Variants in GALNT18 observed in about 807,000 individuals in gnomAD.
GALNT18 encodes polypeptide N-acetylgalactosaminyltransferase 18, also known as GalNAc-transferase 18.
Under a neutral mutation model 69.5 loss-of-function variants are expected in GALNT18, and 44 were observed. The observed-to-expected ratio is 0.63, with a 90% CI of 0.50 to 0.81. GALNT18 has a LOEUF of 0.81. GALNT18 is among the 40% of genes least tolerant of loss of function. GALNT18 has a pLI of 0.00. For synonymous variants in GALNT18, 364 were observed against 318.2 expected (o/e 1.14, Z -1.53); for missense variants, 715 against 810.0 (o/e 0.88, Z 1.42).
At chr11:11,560,505 G>A (rs747400857) in intron 1 of GALNT18, among the ~76,000 whole-genome samples, 15 of 152,208 alleles carry the variant, frequency 9.9e-5, no homozygotes, top group Non-Finnish European at 1.8e-4. Context: ...GATCTCCTTG[G>A]TGACATCAGA....
intron 3 of GALNT18, among the ~76,000 whole-genome samples, chr11:11,381,101 C>T (rs1853905963): frequency 6.6e-6 from 1 of 152,196 alleles, no homozygotes; most frequent in Non-Finnish European, 1.5e-5. Flanking sequence ...AGGTCACTGT[C>T]CCACAAATGT....
intron 1 of GALNT18, among the ~76,000 whole-genome samples, chr11:11,517,571 T>C (rs1857308815): frequency 6.6e-6 from 1 of 152,200 alleles, no homozygotes; most frequent in Admixed American, 6.5e-5. Context: ...ACCCTCACAT[T>C]TAGCCCTGGC....
rs1850183543 is a variant in GALNT18 at position 11,340,464 on chromosome 11, A to T, written c.1278+355T>A. ...TTTGTAAATTTTTGTAGTTACTGGT[A>T]TATTTGTAATCCAGGACCATGAAAC... On this transcript the variant is annotated intron_variant, in intron 7 of 10. Coordinates refer to ENST00000227756, the MANE Select transcript of GALNT18 (RefSeq NM_198516.3). This position sits in a 1 kb window ranked among gnomAD's most constrained non-coding sequence, Gnocchi z 4.2. Among the ~76,000 whole-genome samples the T allele has an allele frequency of 1.3e-5, 2 of 152,234 alleles. No homozygotes were observed. Among genetic ancestry groups the T allele is most frequent in the Admixed American group, 1.3e-4 (2 of 15,292 alleles).
chr11:11,613,297 C>A lies in GALNT18; in HGVS notation c.235+8062G>T, dbSNP rs1565042176. Among the ~76,000 whole-genome samples the A allele has an allele frequency of 2.6e-5, 4 of 152,176 alleles. No individual in the cohort carries two copies. Among genetic ancestry groups the A allele is most frequent in the African/African-American group, 7.2e-5 (3 of 41,440 alleles). ...ATCCACAGAGAAGATTCCAGAACAG[C>A]AGTCATTCCCAATCACTGCCACAAC... On this transcript the variant is annotated intron_variant, in intron 1 of 10. Coordinates refer to ENST00000227756, the MANE Select transcript of GALNT18 (RefSeq NM_198516.3). This position sits in a 1 kb window ranked among gnomAD's most constrained non-coding sequence, Gnocchi z 4.2.
At chr11:11,369,898 A>T (rs1850858489) in intron 6 of GALNT18, among the ~76,000 whole-genome samples, 1 of 152,188 alleles carries the variant, frequency 6.6e-6, no homozygotes, top group African/African-American at 2.4e-5. Context: ...TAATTACTGC[A>T]TGGCTGTTGC....
intron 6 of GALNT18, among the ~76,000 whole-genome samples, chr11:11,364,496 CTG>C: frequency 6.6e-6 from 1 of 151,642 alleles, no homozygotes; most frequent in Non-Finnish European, 1.5e-5. Flanking sequence ...AAAATCTAGA[CTG>C]TGAGAATCTC....
chr11:11,443,271 CT>C (rs1248995050), intron 2 of GALNT18, among the ~76,000 whole-genome samples: 2 of 152,196 alleles, frequency 1.3e-5, no homozygotes, highest in African/African-American at 4.8e-5. Flanking sequence ...TCACACCCAT[CT>C]TTTCAGTGAC....
chr11:11,329,378 A>G (rs1849980399), intron 8 of GALNT18, among the ~76,000 whole-genome samples: 1 of 152,068 alleles, frequency 6.6e-6, no homozygotes, highest in Non-Finnish European at 1.5e-5. Flanking sequence ...CAGCCCAGAG[A>G]TATTATCTCT....
At chr11:11,391,295 G>C in intron 3 of GALNT18, among the ~76,000 whole-genome samples, 1 of 152,168 alleles carries the variant, frequency 6.6e-6, no homozygotes, top group South Asian at 2.1e-4. Flanking sequence ...ATCTTTATTT[G>C]TATTGCCACT....
At chr11:11,359,861 T>C (rs1166802714) in intron 6 of GALNT18, among the ~76,000 whole-genome samples, 1 of 152,190 alleles carries the variant, frequency 6.6e-6, no homozygotes, top group Non-Finnish European at 1.5e-5. Context: ...TAATCTTGAG[T>C]GGTCCTGGGT....
chr11:11,277,404 T>C (rs1430354147), intron 10 of GALNT18, among the ~76,000 whole-genome samples: 5 of 152,184 alleles, frequency 3.3e-5, no homozygotes, highest in African/African-American at 1.2e-4. Context: ...CTCTTTTTTT[T>C]GTTAGTCTGG....
At chr11:11,364,781 T>G (rs560993972) in intron 6 of GALNT18, among the ~76,000 whole-genome samples, 1 of 152,206 alleles carries the variant, frequency 6.6e-6, no homozygotes, top group African/African-American at 2.4e-5. Flanking sequence ...AAAGTCCTTA[T>G]CTATTTTGGA....
intron 3 of GALNT18, among the ~76,000 whole-genome samples, chr11:11,431,437 C>G (rs909688957): frequency 6.6e-6 from 1 of 152,112 alleles, no homozygotes; most frequent in Admixed American, 6.6e-5. Flanking sequence ...CTTCCTGTCT[C>G]CCCCATGATA....
chr11:11,274,520 C>CCATTGCT (rs1303202548), intron 10 of GALNT18, among the ~76,000 whole-genome samples: 1 of 152,144 alleles, frequency 6.6e-6, no homozygotes, highest in Non-Finnish European at 1.5e-5. Flanking sequence ...GGGACATCCG[C>CCATTGCT]CATTGCTGTG....
chr11:11,331,849 G>T (rs1850022530), intron 8 of GALNT18, among the ~76,000 whole-genome samples: 1 of 152,168 alleles, frequency 6.6e-6, no homozygotes, highest in Non-Finnish European at 1.5e-5. Context: ...AGGCGAGATA[G>T]CCAAAAATCA....
chr11:11,478,488 G>A (rs113397513), intron 1 of GALNT18, among the ~76,000 whole-genome samples: 23 of 152,288 alleles, frequency 1.5e-4, no homozygotes, highest in Non-Finnish European at 2.9e-4. Flanking sequence ...AGATGAAGCC[G>A]TCCTCATGCC....
rs567719894 is a variant in GALNT18, at chr11:11,605,386, C to T, written c.235+15973G>A. Among the ~76,000 whole-genome samples the T allele has an allele frequency of 1.3e-5, 2 of 152,324 alleles. No individual in the cohort carries two copies. The highest frequency in any genetic ancestry group is 2.9e-5 in the Non-Finnish European group (2 of 68,036). On this transcript the variant is annotated intron_variant, in intron 1 of 10. Coordinates refer to ENST00000227756, the MANE Select transcript of GALNT18 (RefSeq NM_198516.3). The surrounding 1 kb of genome is among the most constrained non-coding windows in gnomAD (Gnocchi z 4.7). ...TCAGCTCCCTCTCCTCACTGCAGAC[C>T]TTTCCCGACACCTGTCTCCTGAGTG...
chr11:11,491,494 C>T (rs147168688), intron 1 of GALNT18, among the ~76,000 whole-genome samples: 286 of 152,316 alleles, frequency 1.9e-3, no homozygotes, highest in Non-Finnish European at 3.3e-3. Flanking sequence ...TTGATTTGCT[C>T]AAAGGAGCAA....
chr11:11,376,052 C>T (rs191540017), intron 5 of GALNT18, among the ~76,000 whole-genome samples: 45 of 152,232 alleles, frequency 3.0e-4, no homozygotes, highest in African/African-American at 8.9e-4. Context: ...GGCAGGACTT[C>T]GCAGGGAACA....
Sources: gnomAD v4.1 joint callset for allele counts (sites outside exome capture counted in the v4.1 genomes callset) on GRCh38, gnomAD v4.1.1 for gene constraint, Gnocchi (gnomAD v3.1) non-coding constraint, MANE v1.5 for transcripts, NCBI Gene and HGNC (gene_info 2026-07-23, HGNC 2026-07-21) for gene names.